The following CACNA2D1 variants were observed in gnomAD, a reference collection of about 807,000 sequenced individuals.
The protein encoded by CACNA2D1 is voltage-dependent calcium channel subunit alpha-2/delta-1.
A neutral mutation model predicts 171.5 loss-of-function variants in CACNA2D1; 53 were observed. That is an observed-to-expected ratio of 0.31 (90% CI 0.25 to 0.39). The LOEUF (loss-of-function observed/expected upper bound fraction) is 0.39. Ranked by LOEUF, CACNA2D1 falls within the 10% of genes least tolerant of loss-of-function variation. The pLI, the probability that CACNA2D1 is intolerant of heterozygous loss-of-function variation, is 1.00. For missense variants in CACNA2D1, 903 were observed against 1,299.8 expected (o/e 0.69, Z 4.69); for synonymous variants, 442 against 443.1 (o/e 1.00, Z 0.03).
intron 1 of CACNA2D1, among the ~76,000 whole-genome samples, chr7:82,414,642 C>T (rs981041238): frequency 6.6e-6 from 1 of 152,216 alleles, no homozygotes. Context: ...AGGCACACCA[C>T]ATTGATTCAG....
At chr7:82,276,486 A>G (rs1809345011) in intron 3 of CACNA2D1, among the ~76,000 whole-genome samples, 2 of 152,296 alleles carry the variant, frequency 1.3e-5, no homozygotes, top group South Asian at 4.1e-4. Flanking sequence ...GGGCAGAAAT[A>G]GTAGCTCCAG....
At chr7:82,408,877 T>G (rs892731327) in intron 1 of CACNA2D1, among the ~76,000 whole-genome samples, 2 of 152,188 alleles carry the variant, frequency 1.3e-5, no homozygotes, top group Non-Finnish European at 2.9e-5. Flanking sequence ...TAAGGCAATT[T>G]TAAGCTACCA....
chr7:82,070,762 C>T (rs1371226801), intron 7 of CACNA2D1, among the ~76,000 whole-genome samples: 1 of 152,014 alleles, frequency 6.6e-6, no homozygotes, highest in Non-Finnish European at 1.5e-5. Flanking sequence ...AAGAAAATTT[C>T]CCAATGGAAT....
At position 82,327,544 on chromosome 7, in the gene CACNA2D1, T is replaced by G. The variant is rs180974819; in HGVS notation, c.294+7591A>C. 4.6e-5 allele frequency among the ~76,000 whole-genome samples: 7 copies of G among 152,322 alleles called. No individual in the cohort carries two copies. The East Asian group carries it at 1.4e-3, about 29-fold the overall frequency. Reference sequence around the variant, plus strand: ...AGTTAATCAATTAAAATATCTAGTCTGGAATAAAAATCAAATGTCTAAGCT... The same window carrying G: ...AGTTAATCAATTAAAATATCTAGTCGGGAATAAAAATCAAATGTCTAAGCT... On this transcript the variant is annotated intron_variant, in intron 3 of 38. Transcript: ENST00000356860.
At chr7:82,178,536 C>G (rs2129164738) in intron 3 of CACNA2D1, among the ~76,000 whole-genome samples, 1 of 152,214 alleles carries the variant, frequency 6.6e-6, no homozygotes, top group Admixed American at 6.5e-5. Context: ...CCCCTCCAAT[C>G]CCACCATCAT....
At chr7:82,194,151 T>C (rs1055753390) in intron 3 of CACNA2D1, among the ~76,000 whole-genome samples, 7 of 152,044 alleles carry the variant, frequency 4.6e-5, no homozygotes, top group Non-Finnish European at 7.4e-5. Flanking sequence ...TCTACATGAG[T>C]TGGCATGAGC....
At chr7:82,106,080 G>A (rs936004785) in intron 6 of CACNA2D1, among the ~76,000 whole-genome samples, 6 of 151,794 alleles carry the variant, frequency 4.0e-5, no homozygotes, top group African/African-American at 1.5e-4. Context: ...CTCATAACCC[G>A]GTATCTTTAA....
chr7:82,245,428 T>C lies in CACNA2D1; in HGVS notation c.295-74819A>G, dbSNP rs1804789013. Among the ~76,000 whole-genome samples the C allele has an allele frequency of 5.3e-5, 8 of 152,138 alleles. 1 individual carries two copies. The highest frequency in any genetic ancestry group is 5.2e-4 in the Admixed American group (8 of 15,262). On this transcript the variant is annotated intron_variant, in intron 3 of 38. Coordinates refer to ENST00000356860, the MANE Select transcript of CACNA2D1 (RefSeq NM_000722.4). Reference sequence around the variant, plus strand: ...CTACACAATTGAAATTCGCCTTTAATGGTTTCCAAGAGGACAGAACTCCTC... The same window carrying C: ...CTACACAATTGAAATTCGCCTTTAACGGTTTCCAAGAGGACAGAACTCCTC...
At chr7:81,973,780 A>T (rs1429146819) in intron 25 of CACNA2D1, among the ~76,000 whole-genome samples, 11 of 151,934 alleles carry the variant, frequency 7.2e-5, no homozygotes, top group Admixed American at 2.0e-4. Context: ...AGAAAAAATG[A>T]TTTAGATTTT....
chr7:82,329,318 G>C (rs997903278), intron 3 of CACNA2D1, among the ~76,000 whole-genome samples: 3 of 152,082 alleles, frequency 2.0e-5, no homozygotes, highest in Non-Finnish European at 4.4e-5. Context: ...AAATAGATTG[G>C]AGCAGCTTTA....
chr7:82,069,709 A>AC (rs1430553361), intron 7 of CACNA2D1, among the ~76,000 whole-genome samples: 71 of 13,908 alleles, frequency 5.1e-3, no homozygotes, highest in Admixed American at 0.026. Context: ...ATAGCGAAGT[A>AC]CCCCTTTTTT....
At chr7:81,989,072 G>A (rs1340972868) in intron 21 of CACNA2D1, among the ~76,000 whole-genome samples, 3 of 152,136 alleles carry the variant, frequency 2.0e-5, no homozygotes, top group African/African-American at 7.2e-5. Flanking sequence ...GAGGGAATGA[G>A]CATGTGACTG....
intron 20 of CACNA2D1, among the ~76,000 whole-genome samples, chr7:81,994,498 C>T (rs1211966998): frequency 1.3e-5 from 2 of 151,888 alleles, no homozygotes; most frequent in African/African-American, 4.8e-5. Context: ...AAACATATAG[C>T]TATTAAATAT....
chr7:82,285,060 G>A (rs1810581905), intron 3 of CACNA2D1, among the ~76,000 whole-genome samples: 1 of 152,196 alleles, frequency 6.6e-6, no homozygotes, highest in Non-Finnish European at 1.5e-5. Context: ...CTGCTGCCAT[G>A]CAGAGCTCTT....
At chr7:82,050,613 A>T in intron 10 of CACNA2D1, 1 of 702,838 alleles carries the variant, frequency 1.4e-6, no homozygotes. Context: ...GGAGAAGGAG[A>T]AATCTCTTTA....
intron 15 of CACNA2D1, among the ~76,000 whole-genome samples, chr7:82,010,337 C>T (rs1036480526): frequency 4.0e-5 from 6 of 150,650 alleles, no homozygotes; most frequent in African/African-American, 1.2e-4. Context: ...GTAAAAATAA[C>T]GCTATATGTG....
intron 3 of CACNA2D1, among the ~76,000 whole-genome samples, chr7:82,248,811 CA>C (rs11352717): frequency 0.13 from 17,768 of 140,936 alleles, 1,838 homozygotes; most frequent in African/African-American, 0.3. Flanking sequence ...AGAGAAAGGC[CA>C]AAAAAAAAAA....
At chr7:82,175,609 T>G (rs150925510) in intron 3 of CACNA2D1, among the ~76,000 whole-genome samples, 1 of 152,030 alleles carries the variant, frequency 6.6e-6, no homozygotes, top group African/African-American at 2.4e-5. Flanking sequence ...GACTTCAATG[T>G]TCGAAAGAAA....
At chr7:82,085,534 A>G (rs1468884136) in intron 6 of CACNA2D1, among the ~76,000 whole-genome samples, 8 of 144,130 alleles carry the variant, frequency 5.6e-5, no homozygotes, top group Admixed American at 7.1e-5. Context: ...AAAAAAAAAA[A>G]AGAAAAAAAG....
Sources: gnomAD v4.1 joint callset for allele counts (sites outside exome capture counted in the v4.1 genomes callset) on GRCh38, gnomAD v4.1.1 for gene constraint, MANE v1.5 for transcripts, NCBI Gene and HGNC (gene_info 2026-07-23, HGNC 2026-07-21) for gene names.